Variants in KITLG observed in about 807,000 individuals in gnomAD.
KITLG encodes KIT ligand.
In KITLG, 13 loss-of-function variants were observed where a neutral mutation model predicts 34.1. The observed-to-expected ratio is 0.38, with a 90% confidence interval of 0.25 to 0.61. The LOEUF (loss-of-function observed/expected upper bound fraction) is 0.61, where lower values mean the gene tolerates loss of function less well. Among genes scored for constraint, KITLG ranks in the 20% least tolerant of loss-of-function variants. KITLG has a pLI of 0.60. For missense variants in KITLG, 292 were observed against 318.9 expected (o/e 0.92, Z 0.64); for synonymous variants, 110 against 104.0 (o/e 1.06, Z -0.35).
intron 6 of KITLG, among the ~76,000 whole-genome samples, chr12:88,515,318 G>A (rs1262152991): frequency 6.6e-6 from 1 of 151,784 alleles, no homozygotes; most frequent in Non-Finnish European, 1.5e-5. Context: ...AATAACCTCA[G>A]CAGAAAATTT....
intron 1 of KITLG, among the ~76,000 whole-genome samples, chr12:88,563,897 G>C (rs536796041): frequency 2.0e-5 from 3 of 152,040 alleles, no homozygotes; most frequent in Admixed American, 6.6e-5. Context: ...GGGAGGCAGA[G>C]GTTACAGTAA....
At chr12:88,515,945 A>C (rs1403720594) in intron 5 of KITLG, among the ~76,000 whole-genome samples, 1 of 151,852 alleles carries the variant, frequency 6.6e-6, no homozygotes, top group Non-Finnish European at 1.5e-5. Context: ...AAGAGTCTTA[A>C]TACAGAGTAA....
chr12:88,527,712 G>A (rs957776059), intron 3 of KITLG, among the ~76,000 whole-genome samples: 2 of 152,188 alleles, frequency 1.3e-5, no homozygotes, highest in Non-Finnish European at 1.5e-5. Flanking sequence ...TTAACCAGAT[G>A]ATCAAAACAA....
At chr12:88,532,274 C>T (rs1299475442) in intron 3 of KITLG, among the ~76,000 whole-genome samples, 167 bp downstream of exon 3, 1 of 151,742 alleles carries the variant, frequency 6.6e-6, no homozygotes, top group East Asian at 1.9e-4. Flanking sequence ...TTAACAGTTG[C>T]TTAAGAGGGG....
chr12:88,555,192 T>C (rs988044494), intron 1 of KITLG, among the ~76,000 whole-genome samples: 1 of 152,172 alleles, frequency 6.6e-6, no homozygotes, highest in Non-Finnish European at 1.5e-5. Context: ...TGAGAAAAAT[T>C]TGGGGAAATT....
At chr12:88,510,611 A>G (rs899704679) in intron 6 of KITLG, among the ~76,000 whole-genome samples, 1 of 152,160 alleles carries the variant, frequency 6.6e-6, no homozygotes, top group Non-Finnish European at 1.5e-5. Context: ...AATCTCAAAC[A>G]TAAAACATCT....
intron 1 of KITLG, among the ~76,000 whole-genome samples, chr12:88,576,830 A>G (rs538841391): frequency 1.7e-4 from 26 of 152,220 alleles, no homozygotes; most frequent in African/African-American, 6.0e-4. Context: ...CACACTTGCT[A>G]TTTGAGTGAG....
rs1871911205 is a variant in KITLG at position 88,578,734 on chromosome 12, C to T, written c.15+1530G>A. On this transcript the variant is annotated intron_variant, in intron 1 of 9. Transcript: ENST00000644744. ...TTGTTTAAATAGGAAGGTTTAGGCT[C>T]TTTTCCTGAACTAGAAGGTAGCAGC... 2.0e-5 allele frequency among the ~76,000 whole-genome samples: 3 copies of T among 152,150 alleles called. No individual in the cohort carries two copies. In the South Asian group the frequency reaches 6.2e-4, roughly 32 times the overall value.
intron 5 of KITLG, among the ~76,000 whole-genome samples, 176 bp downstream of exon 5, chr12:88,516,158 T>C (rs914460081): frequency 1.3e-5 from 2 of 151,894 alleles, no homozygotes; most frequent in African/African-American, 4.8e-5. Context: ...TTGCTTTGGG[T>C]TAGAAACCCA....
chr12:88,575,853 AT>A (rs1301334698), intron 1 of KITLG, among the ~76,000 whole-genome samples: 8 of 152,194 alleles, frequency 5.3e-5, no homozygotes. Context: ...AATAAAAATA[AT>A]TTACAAAAGG....
chr12:88,535,110 G>A (rs1241605754), intron 2 of KITLG, among the ~76,000 whole-genome samples: 2 of 152,154 alleles, frequency 1.3e-5, no homozygotes, highest in South Asian at 2.1e-4. Flanking sequence ...AGAAAGTGTG[G>A]GATCTGAGTA....
chr12:88,500,025 G>A (rs1592834907), intron 9 of KITLG, among the ~76,000 whole-genome samples: 1 of 152,104 alleles, frequency 6.6e-6, no homozygotes. Context: ...TGTGACACAA[G>A]GCATTTAAGC....
Position 88,495,883 on chromosome 12 carries a change from T to C in KITLG, c.*1336A>G, listed in dbSNP as rs994333417. On this transcript the variant is annotated 3_prime_UTR_variant, in exon 10 of 10. Coordinates refer to ENST00000644744, the MANE Select transcript of KITLG (RefSeq NM_000899.5). ...AAATCATTCTTTGACTTTAGTCAGA[T>C]GTTTTCTTATTATAAAAAAAATTGG... 3 of 152,194 alleles carry C rather than the reference T, an allele frequency of 2.0e-5. No homozygotes were observed. Among genetic ancestry groups the C allele is most frequent in the African/African-American group, 7.2e-5 (3 of 41,468 alleles). 9.4% of individuals were successfully genotyped at this position (152,194 alleles called of 1,614,324 possible).
chr12:88,513,248 A>G (rs1260796446), intron 6 of KITLG, among the ~76,000 whole-genome samples: 1 of 151,764 alleles, frequency 6.6e-6, no homozygotes, highest in African/African-American at 2.4e-5. Context: ...TGTATACTTT[A>G]ATTTCCAAAA....
intron 3 of KITLG, among the ~76,000 whole-genome samples, chr12:88,519,143 T>G (rs1465344051): frequency 6.6e-6 from 1 of 152,198 alleles, no homozygotes; most frequent in South Asian, 2.1e-4. Flanking sequence ...ATTACAAGCA[T>G]GAACCACCGT....
At chr12:88,542,612 C>A (rs975564443) in intron 2 of KITLG, among the ~76,000 whole-genome samples, 2 of 151,948 alleles carry the variant, frequency 1.3e-5, no homozygotes, top group Admixed American at 1.3e-4. Context: ...CACTCCACTT[C>A]TTTTCAAACA....
rs1566019809 is a variant in KITLG at position 88,511,048 on chromosome 12, C to CTTG, written c.605-3912_605-3911insCAA. ...ACATCACCTAGCTAAAAGTTGCTGA[C>CTTG]AATGCAAGACTCAAAATTTTTTAAA... is the stretch of plus-strand genomic sequence containing the variant. On this transcript the variant is annotated intron_variant, in intron 6 of 9. Coordinates refer to ENST00000644744, the MANE Select transcript of KITLG (RefSeq NM_000899.5). Among the ~76,000 whole-genome samples the CTTG allele has an allele frequency of 2.0e-5, 3 of 151,798 alleles. No individual in the cohort carries two copies. The East Asian group carries it at 5.8e-4, about 29-fold the overall frequency.
Position 88,580,090 on chromosome 12 carries a change from C to T in KITLG, c.15+174G>A. 5.8e-6 allele frequency: 4 copies of T among 686,976 alleles called. 1 individual carries two copies. Among genetic ancestry groups the T allele is most frequent in the South Asian group, 5.2e-5 (3 of 57,206 alleles). The allele number at this position is 686,976 out of a possible 1,614,324, so 42.6% of individuals were successfully genotyped here. ...CCACTCCTTTTCTCCCTGGCTCACC[C>T]GGCTCGGCTCGGGATCACACACCAC... On this transcript the variant is annotated intron_variant, in intron 1 of 9. Coordinates refer to ENST00000644744, the MANE Select transcript of KITLG (RefSeq NM_000899.5).
chr12:88,522,309 C>G (rs1592844944), intron 3 of KITLG, among the ~76,000 whole-genome samples: 1 of 152,166 alleles, frequency 6.6e-6, no homozygotes, highest in South Asian at 2.1e-4. Flanking sequence ...ATCCTGGAGA[C>G]TTGCTAATTC....
Sources: allele counts gnomAD v4.1 joint callset (sites outside exome capture counted in the v4.1 genomes callset), GRCh38; gene constraint gnomAD v4.1.1; transcripts MANE v1.5; gene names NCBI Gene and HGNC (gene_info 2026-07-23, HGNC 2026-07-21).